Variants in ERBB4 observed in about 807,000 individuals in gnomAD.
The protein encoded by ERBB4 is erb-b2 receptor tyrosine kinase 4.
A neutral mutation model predicts 158.0 loss-of-function variants in ERBB4; 42 were observed. The ratio of observed to expected loss-of-function variants is 0.27; its 90% CI spans 0.21 to 0.34. The LOEUF is 0.34. Ranked by LOEUF, ERBB4 falls within the 10% of genes least tolerant of loss-of-function variation. The pLI is 1.00. For synonymous variants in ERBB4, 583 were observed against 558.7 expected, an observed-to-expected ratio of 1.04 and a Z score of -0.61; for missense variants, 1,333 against 1,624.1, an observed-to-expected ratio of 0.82 and a Z score of 3.08.
chr2:211,601,886 A>C (rs1044735495), intron 19 of ERBB4, among the ~76,000 whole-genome samples: 1 of 152,158 alleles, frequency 6.6e-6, no homozygotes. Context: ...GTAATAAGAA[A>C]GTATTGGGGG....
chr2:212,494,921 G>A (rs1690476342), intron 1 of ERBB4, among the ~76,000 whole-genome samples: 1 of 152,070 alleles, frequency 6.6e-6, no homozygotes, highest in Non-Finnish European at 1.5e-5. Context: ...TAGAGTTAAT[G>A]CAGATATGAC....
chr2:211,465,407 C>CA (rs2064655376), intron 20 of ERBB4, among the ~76,000 whole-genome samples: 1 of 150,368 alleles, frequency 6.7e-6, no homozygotes, highest in Admixed American at 6.6e-5. Context: ...AATGCGGCAA[C>CA]AGAAAATTGA....
At chr2:211,536,264 T>C (rs1220704149) in intron 20 of ERBB4, among the ~76,000 whole-genome samples, 1 of 152,100 alleles carries the variant, frequency 6.6e-6, no homozygotes, top group African/African-American at 2.4e-5. Context: ...TTACACACCT[T>C]CCACACCTCA....
At chr2:212,047,536 G>C (rs1038052145) in intron 2 of ERBB4, among the ~76,000 whole-genome samples, 5 of 151,814 alleles carry the variant, frequency 3.3e-5, no homozygotes, top group African/African-American at 1.2e-4. Context: ...GCAGTGGCTT[G>C]ATCTTGGCTC....
At chr2:212,062,428 TTTTTTTTTG>T (rs2077806956) in intron 2 of ERBB4, among the ~76,000 whole-genome samples, 1 of 115,796 alleles carries the variant, frequency 8.6e-6, no homozygotes. Context: ...TTTTTTTTTT[TTTTTTTTTG>T]AGATGGAGTC....
intron 1 of ERBB4, among the ~76,000 whole-genome samples, chr2:212,370,939 A>G (rs908934948): frequency 6.6e-6 from 1 of 152,154 alleles, no homozygotes; most frequent in African/African-American, 2.4e-5. Flanking sequence ...CTAGTACCTA[A>G]TTTCTCCCAC....
chr2:211,820,529 T>C (rs2076971190), intron 3 of ERBB4, among the ~76,000 whole-genome samples: 1 of 151,864 alleles, frequency 6.6e-6, no homozygotes, highest in Non-Finnish European at 1.5e-5. Context: ...TAATACCAAT[T>C]CTTTTCTAAC....
intron 2 of ERBB4, among the ~76,000 whole-genome samples, chr2:212,093,285 C>G (rs376555494): frequency 1.3e-5 from 2 of 152,242 alleles, no homozygotes; most frequent in East Asian, 3.9e-4. Flanking sequence ...TACATTAGGT[C>G]ATTTAAACTT....
intron 1 of ERBB4, among the ~76,000 whole-genome samples, chr2:212,277,322 A>C (rs1198088471): frequency 6.6e-6 from 1 of 151,802 alleles, no homozygotes; most frequent in Non-Finnish European, 1.5e-5. Context: ...TCAAGTTTTA[A>C]ACTGATGCTA....
intron 2 of ERBB4, among the ~76,000 whole-genome samples, chr2:211,956,599 A>C (rs1421182165): frequency 6.6e-6 from 1 of 152,050 alleles, no homozygotes; most frequent in African/African-American, 2.4e-5. Flanking sequence ...AAATGCTCAA[A>C]AGTTGAATCA....
At chr2:211,918,424 C>G (rs2079761856) in intron 3 of ERBB4, among the ~76,000 whole-genome samples, 1 of 152,098 alleles carries the variant, frequency 6.6e-6, no homozygotes, top group Non-Finnish European at 1.5e-5. Flanking sequence ...CTGTAACCTT[C>G]TACGTGATGT....
Position 211,757,304 on chromosome 2 carries a change from G to T in ERBB4, c.557-6600C>A, listed in dbSNP as rs189510983. On this transcript the variant is annotated intron_variant, in intron 4 of 27. Coordinates refer to ENST00000342788, the MANE Select transcript of ERBB4 (RefSeq NM_005235.3). ...TTCATACATCTTGATACAAAAAGAT[G>T]GGCAGGTATTCTTCCTTGCTAAAAA... Among the ~76,000 whole-genome samples, 3 of 152,174 alleles carry T rather than the reference G, an allele frequency of 2.0e-5. No individual in the cohort carries two copies. In the East Asian group the frequency reaches 5.8e-4, roughly 29 times the overall value.
Position 211,381,888 on chromosome 2 carries a change from TCTAAGTTTC to T in ERBB4, c.*1718_*1726del. 2 of 229,436 alleles carry T rather than the reference TCTAAGTTTC, an allele frequency of 8.7e-6. No individual in the cohort carries two copies. The highest frequency in any genetic ancestry group is 1.2e-4 in the East Asian group (2 of 16,028). 14.2% of individuals were successfully genotyped at this position (229,436 alleles called of 1,614,324 possible). A position where few individuals can be genotyped will look rare whatever the true frequency, so the allele number is the denominator to read the frequency against. On this transcript the variant is annotated 3_prime_UTR_variant, in exon 28 of 28. Transcript: ENST00000342788. ...AATTTTCAGAAAAGGGCGACTTATA[TCTAAGTTTC>T]CTAATTATTGATGTGAGGCCCCCTT...
rs1026380871 is a variant in ERBB4, at chr2:212,484,857, G to A, written c.82+53592C>T. Among the ~76,000 whole-genome samples, 3 of 152,194 alleles carry A rather than the reference G, an allele frequency of 2.0e-5. No homozygotes were observed. The South Asian group carries it at 6.2e-4, about 32-fold the overall frequency. On this transcript the variant is annotated intron_variant, in intron 1 of 27. Coordinates refer to ENST00000342788, the MANE Select transcript of ERBB4 (RefSeq NM_005235.3). ...TTCATTTCTTTCACATGCTGCCCCT[G>A]CTGCCTGGAATGTTGTGGTGGCCCC...
At chr2:211,952,017 T>C (rs545544938) in intron 2 of ERBB4, among the ~76,000 whole-genome samples, 1 of 152,106 alleles carries the variant, frequency 6.6e-6, no homozygotes, top group Admixed American at 6.6e-5. Flanking sequence ...AGAAAAAAAA[T>C]CATAGCAAAT....
intron 2 of ERBB4, among the ~76,000 whole-genome samples, chr2:211,954,572 C>T: frequency 6.6e-6 from 1 of 151,968 alleles, no homozygotes; most frequent in East Asian, 1.9e-4. Context: ...AAATATAATG[C>T]TGATTACTTA....
intron 1 of ERBB4, among the ~76,000 whole-genome samples, chr2:212,522,349 G>A (rs1310938678): frequency 6.6e-6 from 1 of 151,852 alleles, no homozygotes. Context: ...TGATTTCTTG[G>A]CTTTTTACCA....
chr2:212,135,467 CT>C (rs1296003818), intron 1 of ERBB4, among the ~76,000 whole-genome samples: 2 of 151,910 alleles, frequency 1.3e-5, no homozygotes, highest in African/African-American at 4.8e-5. Context: ...CAAATAACAA[CT>C]AACTTATAAC....
At chr2:211,693,378 T>C (rs1026708572) in intron 12 of ERBB4, among the ~76,000 whole-genome samples, 1 of 152,134 alleles carries the variant, frequency 6.6e-6, no homozygotes, top group African/African-American at 2.4e-5. Context: ...TATGTTATTG[T>C]TAGTAAATGC....
Sources: allele counts gnomAD v4.1 joint callset (sites outside exome capture counted in the v4.1 genomes callset), GRCh38; gene constraint gnomAD v4.1.1; transcripts MANE v1.5; gene names NCBI Gene and HGNC (gene_info 2026-07-23, HGNC 2026-07-21).